Variants in MIR2052HG observed in about 807,000 individuals in gnomAD.
MIR2052HG encodes MIR2052 host gene.
chr8:74,684,442 G>T (rs1809158725), intron 2 of MIR2052HG, among the ~76,000 whole-genome samples: 1 of 152,050 alleles, frequency 6.6e-6, no homozygotes, highest in Non-Finnish European at 1.5e-5. Flanking sequence ...AACATTTAGA[G>T]GGGGAGGAGA....
At chr8:74,624,483 A>C (rs190596559) in intron 2 of MIR2052HG, among the ~76,000 whole-genome samples, 13 of 152,372 alleles carry the variant, frequency 8.5e-5, no homozygotes, top group Middle Eastern at 3.4e-3. Context: ...ATCTTTCAGT[A>C]CACAACTGGC....
chr8:74,603,725 C>T (rs888148833), intron 1 of MIR2052HG: 14 of 889,080 alleles, frequency 1.6e-5, no homozygotes, highest in South Asian at 9.1e-5. Context: ...GGGATGGTCA[C>T]GCCCTTCGGG....
intron 4 of MIR2052HG, among the ~76,000 whole-genome samples, chr8:74,739,824 G>A (rs747541619): frequency 1.1e-4 from 17 of 151,992 alleles, no homozygotes; most frequent in Non-Finnish European, 2.2e-4. Context: ...TGCATGTTTT[G>A]TTTGTACTAT....
intron 4 of MIR2052HG, among the ~76,000 whole-genome samples, chr8:74,740,523 A>G (rs1453909957): frequency 6.6e-6 from 1 of 152,228 alleles, no homozygotes; most frequent in African/African-American, 2.4e-5. Context: ...CATGGGTACT[A>G]AAATAGGTAA....
chr8:74,679,521 C>CTAT (rs71565406), intron 2 of MIR2052HG, among the ~76,000 whole-genome samples: 3,512 of 141,936 alleles, frequency 0.025, 60 homozygotes, highest in South Asian at 0.044. Flanking sequence ...GGCTTGTTTA[C>CTAT]TATTATTATT....
intron 2 of MIR2052HG, among the ~76,000 whole-genome samples, chr8:74,698,740 A>G (rs1000518593): frequency 6.6e-6 from 1 of 152,128 alleles, no homozygotes; most frequent in Admixed American, 6.5e-5. Context: ...ATGAGAACAC[A>G]TGGACACAGG....
chr8:74,652,374 C>T (rs1227810752), intron 2 of MIR2052HG, among the ~76,000 whole-genome samples: 1 of 152,128 alleles, frequency 6.6e-6, no homozygotes, highest in African/African-American at 2.4e-5. Flanking sequence ...GTGATGAAAA[C>T]ACATTTTTAA....
chr8:74,723,379 C>T (rs574581902), intron 4 of MIR2052HG, among the ~76,000 whole-genome samples: 1 of 152,296 alleles, frequency 6.6e-6, no homozygotes, highest in East Asian at 1.9e-4. Flanking sequence ...CACATAAACA[C>T]CTTCCTCCTT....
intron 6 of MIR2052HG, chr8:74,758,258 A>G (rs1172847247): frequency 6.6e-6 from 1 of 152,094 alleles, no homozygotes; most frequent in Non-Finnish European, 1.5e-5. Flanking sequence ...TTCCAGCCTA[A>G]AAATAACATC....
At chr8:74,661,200 C>CTTTT (rs552416471) in intron 2 of MIR2052HG, among the ~76,000 whole-genome samples, 1 of 127,446 alleles carries the variant, frequency 7.8e-6, no homozygotes, top group Non-Finnish European at 1.7e-5. Context: ...AGCTTAGGTC[C>CTTTT]TTTTTTTTTT....
chr8:74,653,745 A>G (rs555118289), intron 2 of MIR2052HG, among the ~76,000 whole-genome samples: 4 of 152,348 alleles, frequency 2.6e-5, no homozygotes, highest in Non-Finnish European at 4.4e-5. Flanking sequence ...AAGTAAATAC[A>G]ATGGCAAGTA....
chr8:74,630,191 T>C (rs1289130707), intron 2 of MIR2052HG, among the ~76,000 whole-genome samples: 1 of 152,176 alleles, frequency 6.6e-6, no homozygotes, highest in Non-Finnish European at 1.5e-5. Context: ...AAAACAGTTA[T>C]TTTTGTTCAG....
rs570979109 is a variant in MIR2052HG at position 74,656,421 on chromosome 8, T to TG, written n.216+43486dup. On this transcript the variant is annotated intron_variant and non_coding_transcript_variant, in intron 2 of 6. Transcript: ENST00000523442. Reference sequence around the variant, plus strand: ...GACACAGTATGAGGTAATTGAATCATGGGGGCCAGTCTTTCCTGTACTATT... The same window carrying TG: ...GACACAGTATGAGGTAATTGAATCATGGGGGGCCAGTCTTTCCTGTACTATT... Among the ~76,000 whole-genome samples, 175 of 152,262 alleles carry TG rather than the reference T, an allele frequency of 1.1e-3. 1 individual carries two copies. Among genetic ancestry groups the TG allele is most frequent in the Non-Finnish European group, 1.6e-3 (108 of 68,006 alleles).
chr8:74,639,965 G>A (rs1356072147), intron 2 of MIR2052HG, among the ~76,000 whole-genome samples: 2 of 152,144 alleles, frequency 1.3e-5, no homozygotes, highest in African/African-American at 4.8e-5. Context: ...TTGAGCCATG[G>A]TGGTACTTAC....
chr8:74,658,663 G>A (rs1012782326), intron 2 of MIR2052HG, among the ~76,000 whole-genome samples: 1 of 152,216 alleles, frequency 6.6e-6, no homozygotes, highest in Non-Finnish European at 1.5e-5. Flanking sequence ...GGGATTACAA[G>A]TGTGAACCAC....
At chr8:74,732,312 AT>A (rs1364852971) in intron 4 of MIR2052HG, among the ~76,000 whole-genome samples, 4 of 152,192 alleles carry the variant, frequency 2.6e-5, no homozygotes, top group African/African-American at 9.6e-5. Context: ...TATAGAAAGA[AT>A]TTGAACATCC....
chr8:74,600,650 A>G (rs1224827086), intron 1 of MIR2052HG, among the ~76,000 whole-genome samples: 1 of 151,368 alleles, frequency 6.6e-6, no homozygotes, highest in Non-Finnish European at 1.5e-5. Context: ...ATCTTGGCTC[A>G]CTGCAACCTC....
chr8:74,701,163 A>G (rs1179592405), intron 2 of MIR2052HG, among the ~76,000 whole-genome samples: 1 of 152,136 alleles, frequency 6.6e-6, no homozygotes, highest in Non-Finnish European at 1.5e-5. Flanking sequence ...TTGGTGAATG[A>G]GAATTTGATA....
chr8:74,637,829 C>A (rs912991916), intron 2 of MIR2052HG, among the ~76,000 whole-genome samples: 23 of 152,088 alleles, frequency 1.5e-4, no homozygotes, highest in African/African-American at 5.3e-4. Flanking sequence ...TATTTCCCTT[C>A]AATGCTCTAC....
Sources: allele counts gnomAD v4.1 joint callset (sites outside exome capture counted in the v4.1 genomes callset), GRCh38; gene constraint gnomAD v4.1.1; transcripts MANE v1.5; gene names NCBI Gene and HGNC (gene_info 2026-07-23, HGNC 2026-07-21).